Variants in GRIK2 observed in about 807,000 individuals in gnomAD.
GRIK2 encodes glutamate receptor ionotropic, kainate 2.
In GRIK2, 32 loss-of-function variants were observed where a neutral mutation model predicts 100.3. The observed-to-expected ratio is 0.32, with a 90% CI of 0.24 to 0.43. The LOEUF (loss-of-function observed/expected upper bound fraction) is 0.43. Ranked by LOEUF, GRIK2 falls within the 20% of genes least tolerant of loss-of-function variation. The pLI is 1.00. For missense variants in GRIK2, 843 were observed against 1,114.9 expected, an observed-to-expected ratio of 0.76 and a Z score of 3.47; for synonymous variants, 417 against 389.4, an observed-to-expected ratio of 1.07 and a Z score of -0.83.
chr6:101,398,774 C>T, intron 1 of GRIK2: 1 of 370,848 alleles, frequency 2.7e-6, no homozygotes. Flanking sequence ...GCTCACTGGC[C>T]GGGAGCCTTA....
At chr6:101,840,405 T>G (rs1783417482) in intron 10 of GRIK2, among the ~76,000 whole-genome samples, 1 of 152,206 alleles carries the variant, frequency 6.6e-6, no homozygotes, top group Non-Finnish European at 1.5e-5. Context: ...GTACTTGACA[T>G]TGATTTCTAA....
intron 7 of GRIK2, among the ~76,000 whole-genome samples, chr6:101,750,873 C>T (rs568667122): frequency 6.6e-6 from 1 of 152,276 alleles, no homozygotes; most frequent in African/African-American, 2.4e-5. Flanking sequence ...CGCTTTTTAA[C>T]TTACATTTCA....
intron 10 of GRIK2, among the ~76,000 whole-genome samples, chr6:101,823,434 A>G (rs998355134): frequency 6.8e-6 from 1 of 147,670 alleles, no homozygotes; most frequent in Non-Finnish European, 1.5e-5. Flanking sequence ...CTATGCCTAA[A>G]GCTCAGCTCT....
intron 2 of GRIK2, among the ~76,000 whole-genome samples, chr6:101,434,511 G>A (rs1769606128): frequency 6.6e-6 from 1 of 151,900 alleles, no homozygotes; most frequent in East Asian, 1.9e-4. Flanking sequence ...GTTAGAAGAA[G>A]AAGAAAAATA....
chr6:102,032,591 C>T (rs574590906), intron 14 of GRIK2, among the ~76,000 whole-genome samples: 1 of 151,396 alleles, frequency 6.6e-6, no homozygotes, highest in East Asian at 2.0e-4. Flanking sequence ...ATACTTTCTT[C>T]AATTATCCCT....
intron 2 of GRIK2, among the ~76,000 whole-genome samples, chr6:101,599,952 G>A (rs1358975807): frequency 6.6e-6 from 1 of 151,388 alleles, no homozygotes; most frequent in Non-Finnish European, 1.5e-5. Context: ...TTGTTTTTGA[G>A]GACCTAATCA....
Position 101,470,281 on chromosome 6 carries a change from T to C in GRIK2, c.115+70889T>C, listed in dbSNP as rs1224494851. On this transcript the variant is annotated intron_variant, in intron 2 of 16. Coordinates refer to ENST00000369134, the MANE Select transcript of GRIK2 (RefSeq NM_021956.5). ...CTCCTTAATGGTGGATAGCTTTTGG[T>C]AGAGTTCTAGCTGACTTGAGTTGGC... 2.0e-5 allele frequency among the ~76,000 whole-genome samples: 3 copies of C among 152,204 alleles called. No individual in the cohort carries two copies. In the East Asian group the frequency reaches 5.8e-4, roughly 29 times the overall value.
Position 101,885,578 on chromosome 6 carries a change from C to T in GRIK2, c.1525-4062C>T, listed in dbSNP as rs148030054. ...TGAAAATCTTCCAAATAATATAGCA[C>T]ATTTTTCCCTCATAATAGACACATT... On this transcript the variant is annotated intron_variant, in intron 11 of 16. Coordinates refer to ENST00000369134, the MANE Select transcript of GRIK2 (RefSeq NM_021956.5). 6.1e-3 allele frequency among the ~76,000 whole-genome samples: 935 copies of T among 152,128 alleles called. 7 individuals are homozygous for T. The highest frequency in any genetic ancestry group is 8.1e-3 in the Non-Finnish European group (549 of 67,958).
At position 101,799,277 on chromosome 6, in the gene GRIK2, TTGTGTGTG is replaced by T. The variant is rs58920833; in HGVS notation, c.952-349_952-342del. Among the ~76,000 whole-genome samples, 77 of 146,644 alleles carry T rather than the reference TTGTGTGTG, an allele frequency of 5.3e-4. 2 individuals carry two copies. The highest frequency in any genetic ancestry group is 1.6e-3 in the African/African-American group (65 of 39,932). On this transcript the variant is annotated intron_variant, in intron 7 of 16. Coordinates refer to ENST00000369134, the MANE Select transcript of GRIK2 (RefSeq NM_021956.5). ...ATTAAAAATGTTAGCAATGTACTCA[TTGTGTGTG>T]TGTGTGTGTGTGTGTGTGTGTATAA...
intron 2 of GRIK2, among the ~76,000 whole-genome samples, chr6:101,518,795 A>G (rs527529301): frequency 6.9e-4 from 105 of 152,266 alleles, no homozygotes; most frequent in African/African-American, 2.4e-3. Context: ...TATTTGGTCG[A>G]TGTCCTGAAT....
chr6:101,674,712 A>ATC (rs1770700027), intron 4 of GRIK2, among the ~76,000 whole-genome samples: 2 of 152,276 alleles, frequency 1.3e-5, no homozygotes, highest in South Asian at 4.1e-4. Flanking sequence ...AGCATTAGTA[A>ATC]ATATTTAACT....
intron 7 of GRIK2, among the ~76,000 whole-genome samples, chr6:101,788,099 T>A (rs1301553950): frequency 6.6e-6 from 1 of 152,144 alleles, no homozygotes; most frequent in African/African-American, 2.4e-5. Context: ...TTATTTGATA[T>A]AAGTATAGCT....
intron 2 of GRIK2, among the ~76,000 whole-genome samples, chr6:101,503,285 A>C (rs1021615141): frequency 6.6e-6 from 1 of 152,192 alleles, no homozygotes; most frequent in Non-Finnish European, 1.5e-5. Flanking sequence ...AGGTATAAAT[A>C]AATTGATGAG....
chr6:101,551,981 G>A (rs1776534952), intron 2 of GRIK2, among the ~76,000 whole-genome samples: 1 of 152,188 alleles, frequency 6.6e-6, no homozygotes, highest in Admixed American at 6.6e-5. Flanking sequence ...TAATAAGTAA[G>A]TTAATAAATG....
intron 2 of GRIK2, among the ~76,000 whole-genome samples, chr6:101,484,718 G>C (rs1433739294): frequency 6.6e-6 from 1 of 151,920 alleles, no homozygotes; most frequent in African/African-American, 2.4e-5. Context: ...ATTTTCTTCA[G>C]GTGTCAGAGA....
At chr6:101,561,273 G>A (rs951488208) in intron 2 of GRIK2, among the ~76,000 whole-genome samples, 1 of 152,058 alleles carries the variant, frequency 6.6e-6, no homozygotes, top group African/African-American at 2.4e-5. Context: ...GGCTTAAAAG[G>A]ATTCCAGTCC....
At chr6:101,779,207 T>C (rs1305053848) in intron 7 of GRIK2, among the ~76,000 whole-genome samples, 1 of 152,134 alleles carries the variant, frequency 6.6e-6, no homozygotes, top group Non-Finnish European at 1.5e-5. Flanking sequence ...TGAGGTTAGT[T>C]GATGGATGGA....
At chr6:101,593,437 C>T (rs1421819847) in intron 2 of GRIK2, among the ~76,000 whole-genome samples, 1 of 151,882 alleles carries the variant, frequency 6.6e-6, no homozygotes, top group African/African-American at 2.4e-5. Flanking sequence ...AGTGCTTTCA[C>T]TGTTCCTCTG....
intron 6 of GRIK2, 128 bp from the exon 7 acceptor site, chr6:101,686,052 T>G (rs1308623848): frequency 1.3e-5 from 8 of 596,282 alleles, no homozygotes; most frequent in Admixed American, 3.0e-5. Context: ...TGATTTGTGA[T>G]GTTTAACGTC....
Sources: allele counts gnomAD v4.1 joint callset (sites outside exome capture counted in the v4.1 genomes callset), GRCh38; gene constraint gnomAD v4.1.1; transcripts MANE v1.5; gene names NCBI Gene and HGNC (gene_info 2026-07-23, HGNC 2026-07-21).